Variants in PPP3CC observed in about 807,000 individuals in gnomAD.
PPP3CC encodes the protein protein phosphatase 3 catalytic subunit gamma.
PPP3CC carries 35 observed loss-of-function variants against 60.3 expected under a neutral mutation model. The observed-to-expected ratio is 0.58, with a 90% CI of 0.44 to 0.77. PPP3CC has a LOEUF of 0.77. Ranked by LOEUF, PPP3CC falls within the 30% of genes least tolerant of loss-of-function variation. PPP3CC has a pLI of 0.00. For missense variants in PPP3CC, 570 were observed against 628.9 expected (o/e 0.91, Z 1.00); for synonymous variants, 206 against 224.3 (o/e 0.92, Z 0.73).
intron 6 of PPP3CC, among the ~76,000 whole-genome samples, chr8:22,518,983 G>A (rs977857435): frequency 1.3e-5 from 2 of 152,208 alleles, no homozygotes; most frequent in Admixed American, 1.3e-4. Context: ...CACTGTGCCC[G>A]TCCTACTTGC....
In PPP3CC at chr8:22,531,613, A is replaced by G. The variant is rs538105670; in HGVS notation, c.1142-612A>G. Among the ~76,000 whole-genome samples, 16 of 152,324 alleles carry G rather than the reference A, an allele frequency of 1.1e-4. No homozygotes were observed. In the East Asian group the frequency reaches 2.5e-3, roughly 24 times the overall value. Reference sequence around the variant, plus strand: ...ATGTGTGGGCTATTTTCAGAATCTTAGATAAGAAAAAGCCATAAAGTCTTA... The same window carrying G: ...ATGTGTGGGCTATTTTCAGAATCTTGGATAAGAAAAAGCCATAAAGTCTTA... On this transcript the variant is annotated intron_variant, in intron 10 of 13. Transcript: ENST00000240139.
chr8:22,455,568 G>A (rs1837171889), intron 1 of PPP3CC, among the ~76,000 whole-genome samples: 1 of 152,104 alleles, frequency 6.6e-6, no homozygotes, highest in Non-Finnish European at 1.5e-5. Context: ...AAAGATAGTT[G>A]GTGGGCTTCT....
intron 4 of PPP3CC, among the ~76,000 whole-genome samples, chr8:22,508,202 C>T (rs1838981533): frequency 6.6e-6 from 1 of 152,086 alleles, no homozygotes; most frequent in African/African-American, 2.4e-5. Context: ...TTACAGTGAG[C>T]TATGATTGCA....
chr8:22,527,635 ATTTTT>A, intron 9 of PPP3CC, 118 bp downstream of exon 9: 1 of 928,836 alleles, frequency 1.1e-6, no homozygotes, highest in Non-Finnish European at 1.5e-6. Flanking sequence ...CTCTACATAG[ATTTTT>A]TTTTTTTTTT....
intron 3 of PPP3CC, among the ~76,000 whole-genome samples, chr8:22,479,909 T>C (rs1329304140): frequency 1.3e-5 from 2 of 152,194 alleles, no homozygotes; most frequent in Non-Finnish European, 2.9e-5. Flanking sequence ...AGTAAGGTTC[T>C]GGAGGGCTGA....
At chr8:22,518,558 G>A (rs1472696558) in intron 6 of PPP3CC, among the ~76,000 whole-genome samples, 1 of 152,022 alleles carries the variant, frequency 6.6e-6, no homozygotes, top group Admixed American at 6.5e-5. Flanking sequence ...TCTGTTATTT[G>A]GCAAAAAGTT....
At chr8:22,510,421 C>T (rs1415640994) in intron 4 of PPP3CC, among the ~76,000 whole-genome samples, 1 of 152,142 alleles carries the variant, frequency 6.6e-6, no homozygotes, top group African/African-American at 2.4e-5. Flanking sequence ...CTTAAGACTC[C>T]AGTTTCCACT....
chr8:22,487,315 C>T (rs1175096737), intron 3 of PPP3CC, among the ~76,000 whole-genome samples: 2 of 152,148 alleles, frequency 1.3e-5, no homozygotes, highest in Non-Finnish European at 2.9e-5. Context: ...GGTGTTCCCT[C>T]TTCATTTGTA....
Position 22,528,558 on chromosome 8 carries a change from T to G in PPP3CC, c.1122T>G (p.Ile374Met). The part of the protein sequence containing the change: ...VLNICSDDEL[I>M]SDDEAEGSTT... ...ACATATGCTCTGATGACGAACTGAT[T>G]TCTGATGATGAAGCAGAAGGTAAAC... is the stretch of plus-strand genomic sequence containing the variant. The change falls in exon 10 of 14, where the codon ATT becomes ATG. Residue 374 changes from isoleucine to methionine, a missense_variant. Transcript: ENST00000240139. The G allele has an allele frequency of 1.3e-6, 2 of 1,556,132 alleles. No homozygotes were observed. Among genetic ancestry groups the G allele is most frequent in the Non-Finnish European group, 1.7e-6 (2 of 1,146,240 alleles).
intron 8 of PPP3CC, chr8:22,523,576 C>T (rs2117123091): frequency 2.4e-6 from 1 of 422,804 alleles, no homozygotes; most frequent in Non-Finnish European, 4.8e-6. Context: ...AGGCTACACA[C>T]CTATTCCAAC....
Position 22,525,556 on chromosome 8 carries a change from CTCTTTCTT to C in PPP3CC, c.944-1832_944-1825del, listed in dbSNP as rs751005363. Among the ~76,000 whole-genome samples the C allele has an allele frequency of 4.9e-3, 644 of 131,150 alleles. 12 individuals are homozygous for C. Among genetic ancestry groups the C allele is most frequent in the African/African-American group, 0.018 (604 of 34,456 alleles). The allele number at this position is 131,150 out of a possible 152,430, so 86.0% of individuals were successfully genotyped here. A position where few individuals can be genotyped will look rare whatever the true frequency, so the allele number is the denominator to read the frequency against. On this transcript the variant is annotated intron_variant, in intron 8 of 13. Coordinates refer to ENST00000240139, the MANE Select transcript of PPP3CC (RefSeq NM_005605.5). Reference sequence around the variant, plus strand: ...TTTCTTTCTCTCCCTCTCTCTCTCTCTCTTTCTTTCTCTCTCTCTCTCTTTCTCTCGGT... The same window carrying C: ...TTTCTTTCTCTCCCTCTCTCTCTCTCTCTCTCTCTCTCTCTTTCTCTCGGT...
At chr8:22,539,137 T>A (rs765485043) in intron 12 of PPP3CC, among the ~76,000 whole-genome samples, 16 of 152,228 alleles carry the variant, frequency 1.1e-4, no homozygotes, top group Non-Finnish European at 2.1e-4. Context: ...AGGATTGTTG[T>A]GATGTCAAAC....
At chr8:22,458,653 T>A (rs997583607) in intron 1 of PPP3CC, among the ~76,000 whole-genome samples, 54 of 151,374 alleles carry the variant, frequency 3.6e-4, no homozygotes, top group East Asian at 2.3e-3. Flanking sequence ...AAAATAAAAA[T>A]ATATATATAT....
chr8:22,517,822 T>C (rs1354977567), intron 6 of PPP3CC, among the ~76,000 whole-genome samples: 1 of 152,062 alleles, frequency 6.6e-6, no homozygotes, highest in African/African-American at 2.4e-5. Flanking sequence ...TTGTTGACTT[T>C]TTTCTGTTGT....
rs1320131635 is a variant in PPP3CC at position 22,474,994 on chromosome 8, A to C, written c.90A>C (p.Glu30Asp). The change falls in exon 2 of 14, where the codon GAA becomes GAC. Residue 30 changes from glutamate to aspartate, a missense_variant. Glu to Asp is a conservative substitution (Grantham distance 45). Transcript: ENST00000240139. ...CAACCCAACGGCTTACTTTCAAGGA[A>C]GTATTTGAGAATGGGAAACCTAAAG... Reference protein sequence around the residue: ...FPPTQRLTFKEVFENGKPKVD... With the variant: ...FPPTQRLTFKDVFENGKPKVD... 1 of 1,608,726 alleles carries C rather than the reference A, an allele frequency of 6.2e-7. No individual in the cohort carries two copies.
At chr8:22,501,901 C>A (rs1586839431) in intron 4 of PPP3CC, among the ~76,000 whole-genome samples, 1 of 152,140 alleles carries the variant, frequency 6.6e-6, no homozygotes, top group East Asian at 1.9e-4. Flanking sequence ...GTGGTACAAG[C>A]CTGTAGTCCC....
intron 1 of PPP3CC, among the ~76,000 whole-genome samples, chr8:22,457,686 C>T (rs1234619253): frequency 6.6e-6 from 1 of 152,224 alleles, no homozygotes; most frequent in Non-Finnish European, 1.5e-5. Context: ...TCCGTACTTA[C>T]AGTCTGAACC....
chr8:22,517,376 A>G (rs1358426201), intron 6 of PPP3CC, among the ~76,000 whole-genome samples: 1 of 152,084 alleles, frequency 6.6e-6, no homozygotes, highest in Non-Finnish European at 1.5e-5. Flanking sequence ...TGCTGGCCTC[A>G]TAATGTGAGT....
rs150122646 is a variant in PPP3CC, at chr8:22,452,580, C to T, written c.49+11122C>T. The stretch of plus-strand genomic sequence containing the variant: ...TGGCACCATCATAGCTCACTGCAGC[C>T]TCAAACTCCTGGGCTCAAGTGATTC... On this transcript the variant is annotated intron_variant, in intron 1 of 13. Coordinates refer to ENST00000240139, the MANE Select transcript of PPP3CC (RefSeq NM_005605.5). 5.9e-5 allele frequency among the ~76,000 whole-genome samples: 9 copies of T among 152,194 alleles called. No individual in the cohort carries two copies. The East Asian group carries it at 1.7e-3, about 29-fold the overall frequency.
Sources: allele counts gnomAD v4.1 joint callset (sites outside exome capture counted in the v4.1 genomes callset), GRCh38; gene constraint gnomAD v4.1.1; transcripts MANE v1.5; gene names NCBI Gene and HGNC (gene_info 2026-07-23, HGNC 2026-07-21).